Variants in NELL1 observed in about 807,000 individuals in gnomAD.
NELL1 encodes the protein protein kinase C-binding protein NELL1.
NELL1 carries 76 observed loss-of-function variants against 107.4 expected under a neutral mutation model. The ratio of observed to expected loss-of-function variants is 0.71; its 90% CI spans 0.59 to 0.86. The LOEUF (loss-of-function observed/expected upper bound fraction) is 0.86. Ranked by LOEUF, NELL1 falls within the 40% of genes least tolerant of loss-of-function variation. The probability of loss-of-function intolerance (pLI) is 0.00; values close to 1 mark genes in which losing one functional copy is unlikely to be tolerated. For missense variants in NELL1, 1,024 were observed against 1,005.5 expected, an observed-to-expected ratio of 1.02 and a Z score of -0.25; for synonymous variants, 353 against 341.2, an observed-to-expected ratio of 1.03 and a Z score of -0.38.
rs987318149 is a variant in NELL1, at chr11:20,806,272, GTGTGTGTGTGTGTT to G, written c.335+22448_335+22461del. 6.5e-4 allele frequency among the ~76,000 whole-genome samples: 99 copies of G among 151,750 alleles called. No homozygotes were observed. The South Asian group carries it at 0.02, about 31-fold the overall frequency. Reference sequence around the variant, plus strand: ...AGCATTTGTGTGTGTGTGTGTGTGTGTGTGTGTGTGTGTTTGTGTTTGTGTTTGCCAGATATACT... The same window carrying G: ...AGCATTTGTGTGTGTGTGTGTGTGTGTGTGTTTGTGTTTGCCAGATATACT... On this transcript the variant is annotated intron_variant, in intron 3 of 19. Transcript: ENST00000357134.
intron 13 of NELL1, chr11:21,170,271 G>A: frequency 3.8e-6 from 1 of 265,844 alleles, no homozygotes; most frequent in African/African-American, 2.3e-5. Flanking sequence ...GCCTTGGACT[G>A]CATATTTTCT....
intron 14 of NELL1, among the ~76,000 whole-genome samples, chr11:21,369,362 ATTTTT>A (rs34302489): frequency 2.8e-4 from 31 of 110,416 alleles, no homozygotes; most frequent in African/African-American, 9.8e-4. Flanking sequence ...GGTAGGTACT[ATTTTT>A]TTTTTTTTTT....
chr11:20,687,446 A>G (rs1854334898), intron 2 of NELL1, among the ~76,000 whole-genome samples: 1 of 151,954 alleles, frequency 6.6e-6, no homozygotes, highest in Non-Finnish European at 1.5e-5. Context: ...AAGACAGACT[A>G]TTTGACATTT....
At chr11:21,515,140 T>C (rs1855525617) in intron 15 of NELL1, among the ~76,000 whole-genome samples, 2 of 152,214 alleles carry the variant, frequency 1.3e-5, no homozygotes, top group South Asian at 4.1e-4. Flanking sequence ...TTTAATTATA[T>C]GTAAACATGT....
intron 1 of NELL1, chr11:20,671,354 AG>A (rs1053343897): frequency 7.2e-5 from 11 of 152,428 alleles, no homozygotes; most frequent in Non-Finnish European, 1.3e-4. Context: ...CATCTTACAG[AG>A]GAACCGCAGA....
intron 14 of NELL1, among the ~76,000 whole-genome samples, chr11:21,323,347 A>G (rs1468057280): frequency 1.3e-5 from 2 of 152,148 alleles, no homozygotes; most frequent in Non-Finnish European, 2.9e-5. Context: ...AGGAACTCTA[A>G]TTTATTGCTT....
intron 15 of NELL1, among the ~76,000 whole-genome samples, chr11:21,480,158 C>G (rs939838686): frequency 1.1e-4 from 17 of 152,242 alleles, no homozygotes; most frequent in African/African-American, 4.1e-4. Flanking sequence ...CTTTGGAATA[C>G]AGGAAATGTC....
chr11:21,086,719 C>T (rs573697178), intron 12 of NELL1, among the ~76,000 whole-genome samples: 1 of 151,892 alleles, frequency 6.6e-6, no homozygotes, highest in African/African-American at 2.4e-5. Context: ...AGATAAAACT[C>T]AGTGTGACTT....
At chr11:20,933,140 A>G (rs1850652180) in intron 9 of NELL1, among the ~76,000 whole-genome samples, 1 of 152,220 alleles carries the variant, frequency 6.6e-6, no homozygotes, top group Non-Finnish European at 1.5e-5. Context: ...CTACTGCATC[A>G]AGAGAGCTGG....
intron 5 of NELL1, among the ~76,000 whole-genome samples, chr11:20,908,025 TG>T (rs1367690408): frequency 3.0e-4 from 46 of 152,286 alleles, no homozygotes; most frequent in African/African-American, 9.1e-4. Context: ...CCAGTCAGAA[TG>T]GCGATTATTA....
At chr11:20,725,026 C>A (rs908034784) in intron 2 of NELL1, among the ~76,000 whole-genome samples, 1 of 152,202 alleles carries the variant, frequency 6.6e-6, no homozygotes, top group East Asian at 1.9e-4. Flanking sequence ...TTAAAACCAT[C>A]AGCTCTCATA....
intron 15 of NELL1, among the ~76,000 whole-genome samples, chr11:21,488,578 G>A (rs1854707352): frequency 6.6e-6 from 1 of 152,116 alleles, no homozygotes; most frequent in Non-Finnish European, 1.5e-5. Flanking sequence ...GGTCCCTGTG[G>A]TGGCAGCAGT....
intron 11 of NELL1, among the ~76,000 whole-genome samples, chr11:20,948,504 C>T (rs1239775559): frequency 1.3e-5 from 2 of 151,832 alleles, no homozygotes; most frequent in African/African-American, 2.4e-5. Context: ...CATTACAATT[C>T]TTCTATCTAT....
intron 15 of NELL1, among the ~76,000 whole-genome samples, chr11:21,485,291 A>G (rs1854596763): frequency 1.3e-5 from 2 of 152,082 alleles, no homozygotes; most frequent in South Asian, 4.2e-4. Context: ...CATCCACCCT[A>G]AAGACAAATC....
At chr11:21,390,927 T>C (rs1425812627) in intron 15 of NELL1, among the ~76,000 whole-genome samples, 1 of 151,820 alleles carries the variant, frequency 6.6e-6, no homozygotes, top group African/African-American at 2.4e-5. Flanking sequence ...TGAGGTTTTT[T>C]TTCAACATCA....
At chr11:21,193,790 A>T (rs1857095662) in intron 13 of NELL1, among the ~76,000 whole-genome samples, 1 of 151,856 alleles carries the variant, frequency 6.6e-6, no homozygotes, top group African/African-American at 2.4e-5. Context: ...TGCTGGTTTC[A>T]TTGTTGGCAC....
chr11:20,671,563 C>T (rs1208825303), intron 1 of NELL1, among the ~76,000 whole-genome samples: 15 of 152,222 alleles, frequency 9.9e-5, no homozygotes, highest in Admixed American at 9.8e-4. Flanking sequence ...TATTTTCCCT[C>T]TTTCCACTTC....
chr11:20,863,430 G>T (rs1849023986), intron 4 of NELL1, among the ~76,000 whole-genome samples: 1 of 118,312 alleles, frequency 8.5e-6, no homozygotes, highest in African/African-American at 2.7e-5. Context: ...TTCCCAGAAG[G>T]GGTGGCTGCT....
intron 12 of NELL1, among the ~76,000 whole-genome samples, chr11:21,084,643 C>T (rs200550610): frequency 2.0e-5 from 3 of 152,080 alleles, no homozygotes; most frequent in East Asian, 1.9e-4. Flanking sequence ...GGGGCATTTC[C>T]GGATGAGTGC....
Sources: gnomAD v4.1 joint callset for allele counts (sites outside exome capture counted in the v4.1 genomes callset) on GRCh38, gnomAD v4.1.1 for gene constraint, MANE v1.5 for transcripts, NCBI Gene and HGNC (gene_info 2026-07-23, HGNC 2026-07-21) for gene names.